SMIM14: variants seen among roughly 807,000 people sequenced by gnomAD.
The protein encoded by SMIM14 is chromosome 4 open reading frame 34.
SMIM14 carries 5 observed loss-of-function variants against 12.6 expected under a neutral mutation model. The ratio of observed to expected loss-of-function variants is 0.40; its 90% CI spans 0.21 to 0.83. The LOEUF (loss-of-function observed/expected upper bound fraction) is 0.83, where lower values mean the gene tolerates loss of function less well. Among genes scored for constraint, SMIM14 ranks in the 40% least tolerant of loss-of-function variants. The pLI, the probability that SMIM14 is intolerant of heterozygous loss-of-function variation, is 0.37. For missense variants in SMIM14, 86 were observed against 119.1 expected (o/e 0.72, Z 1.29); for synonymous variants, 30 against 40.1 (o/e 0.75, Z 0.95).
chr4:39,559,365 G>C (rs1441637923), intron 3 of SMIM14, among the ~76,000 whole-genome samples: 1 of 150,850 alleles, frequency 6.6e-6, no homozygotes, highest in Non-Finnish European at 1.5e-5. Flanking sequence ...CTCCAGCCTG[G>C]GCGAGTGAGC....
intron 2 of SMIM14, among the ~76,000 whole-genome samples, chr4:39,583,096 TG>T (rs1713602985): frequency 6.6e-6 from 1 of 152,038 alleles, no homozygotes; most frequent in Admixed American, 6.6e-5. Flanking sequence ...CCAGCCGTTT[TG>T]TTTTTTTAAG....
intron 1 of SMIM14, among the ~76,000 whole-genome samples, chr4:39,631,894 C>T (rs1715912079): frequency 6.6e-6 from 1 of 150,388 alleles, no homozygotes. Context: ...AGCTGAGACA[C>T]ATCTGTGCTT....
At chr4:39,637,521 C>T (rs1290200605) in intron 1 of SMIM14, among the ~76,000 whole-genome samples, 2 of 150,876 alleles carry the variant, frequency 1.3e-5, no homozygotes, top group African/African-American at 4.9e-5. Context: ...TACTGTTGTT[C>T]TTTCTTGCTG....
chr4:39,582,018 T>C (rs1360241974), intron 2 of SMIM14, among the ~76,000 whole-genome samples: 8 of 152,032 alleles, frequency 5.3e-5, no homozygotes, highest in Admixed American at 3.9e-4. Context: ...ATTGCAGGCA[T>C]GTGTCACCAC....
At chr4:39,588,295 A>G (rs1030149104) in intron 2 of SMIM14, among the ~76,000 whole-genome samples, 1 of 152,200 alleles carries the variant, frequency 6.6e-6, no homozygotes, top group Non-Finnish European at 1.5e-5. Flanking sequence ...TAATCCCAGC[A>G]CTTTGGGAGG....
intron 3 of SMIM14, among the ~76,000 whole-genome samples, chr4:39,565,211 T>C (rs931780407): frequency 6.6e-6 from 1 of 152,090 alleles, no homozygotes; most frequent in Non-Finnish European, 1.5e-5. Context: ...GAGTAAGACT[T>C]TGTCTCCAGA....
At chr4:39,570,682 G>A (rs1259260706) in intron 3 of SMIM14, among the ~76,000 whole-genome samples, 2 of 150,372 alleles carry the variant, frequency 1.3e-5, no homozygotes, top group Admixed American at 1.3e-4. Context: ...TTTGAGATGG[G>A]ATCTCACTTT....
Position 39,605,078 on chromosome 4 carries a change from A to G in SMIM14, c.68T>C (p.Ile23Thr), listed in dbSNP as rs755119529. Residue 23 changes from isoleucine to threonine, a missense_variant, in exon 2 of 5, where the codon ATC becomes ACC. By Grantham distance (89) the Ile-to-Thr change is moderately conservative. Coordinates refer to ENST00000295958, the MANE Select transcript of SMIM14 (RefSeq NM_174921.3). ...CSHEHAMRRLINLLRQSQSYC... is the reference protein window; with the variant it reads ...CSHEHAMRRLTNLLRQSQSYC... ...TGTCCTGTTGCATCTCACCAGATTG[A>G]TCAGTCTTCTCATTGCATGTTCATG... The G allele has an allele frequency of 1.3e-6, 2 of 1,599,802 alleles. No individual in the cohort carries two copies. The highest frequency in any genetic ancestry group is 1.7e-6 in the Non-Finnish European group (2 of 1,169,410).
At chr4:39,597,084 C>CTTT (rs1436675514) in intron 2 of SMIM14, among the ~76,000 whole-genome samples, 10 of 133,282 alleles carry the variant, frequency 7.5e-5, no homozygotes, top group African/African-American at 1.7e-4. Context: ...CCCAGGTTTC[C>CTTT]CTTTTTTTTT....
intron 2 of SMIM14, among the ~76,000 whole-genome samples, chr4:39,591,382 GC>G (rs1714071585): frequency 6.6e-6 from 1 of 151,564 alleles, no homozygotes; most frequent in South Asian, 2.1e-4. Flanking sequence ...CATACACCTG[GC>G]AAAATGCAAC....
At chr4:39,620,458 CGAGA>C (rs1560307726) in intron 1 of SMIM14, among the ~76,000 whole-genome samples, 4 of 151,452 alleles carry the variant, frequency 2.6e-5, no homozygotes, top group African/African-American at 4.9e-5. Context: ...CCATCCTGGG[CGAGA>C]GAGATAGACT....
chr4:39,609,956 T>C (rs913025355), intron 1 of SMIM14, among the ~76,000 whole-genome samples: 1 of 152,206 alleles, frequency 6.6e-6, no homozygotes, highest in African/African-American at 2.4e-5. Flanking sequence ...CCTATTCTCA[T>C]TCCTTATGCC....
chr4:39,591,934 C>G (rs142706001), intron 2 of SMIM14, among the ~76,000 whole-genome samples: 1 of 152,128 alleles, frequency 6.6e-6, no homozygotes, highest in Non-Finnish European at 1.5e-5. Context: ...TGGCTCACGA[C>G]TGTAATCTTA....
chr4:39,625,922 G>A (rs1237751392), intron 1 of SMIM14, among the ~76,000 whole-genome samples: 6 of 152,228 alleles, frequency 3.9e-5, no homozygotes, highest in Non-Finnish European at 7.3e-5. Flanking sequence ...TATAGATCAG[G>A]TATAGATTAG....
At chr4:39,589,072 T>C (rs1713926400) in intron 2 of SMIM14, among the ~76,000 whole-genome samples, 1 of 152,116 alleles carries the variant, frequency 6.6e-6, no homozygotes, top group Admixed American at 6.6e-5. Context: ...TACAGTACTT[T>C]AATACAGAAA....
intron 3 of SMIM14, among the ~76,000 whole-genome samples, chr4:39,567,429 C>G (rs1712635009): frequency 1.3e-5 from 2 of 151,964 alleles, no homozygotes; most frequent in Admixed American, 1.3e-4. Flanking sequence ...CATGCAAAAC[C>G]CTGTCTCTAC....
intron 2 of SMIM14, among the ~76,000 whole-genome samples, chr4:39,603,353 T>G (rs1346090540): frequency 2.0e-5 from 3 of 151,462 alleles, no homozygotes. Flanking sequence ...GGTCAGGAGA[T>G]TGAGACCATC....
intron 1 of SMIM14, among the ~76,000 whole-genome samples, chr4:39,614,744 T>C (rs565315556): frequency 6.6e-6 from 1 of 152,348 alleles, no homozygotes; most frequent in South Asian, 2.1e-4. Context: ...ACATGGTTTA[T>C]AAGTGACTTT....
intron 1 of SMIM14, among the ~76,000 whole-genome samples, chr4:39,617,199 T>TTG (rs1205533412): frequency 6.6e-6 from 1 of 152,178 alleles, no homozygotes; most frequent in African/African-American, 2.4e-5. Flanking sequence ...AAAACTCCAA[T>TTG]AACATTAGTA....
Sources: gnomAD v4.1 joint callset for allele counts (sites outside exome capture counted in the v4.1 genomes callset) on GRCh38, gnomAD v4.1.1 for gene constraint, MANE v1.5 for transcripts, NCBI Gene and HGNC (gene_info 2026-07-23, HGNC 2026-07-21) for gene names.